Variants in ERLIN2 observed in about 807,000 individuals in gnomAD.
ERLIN2 encodes ER lipid raft associated 2.
ERLIN2 carries 22 observed loss-of-function variants against 41.5 expected under a neutral mutation model. The ratio of observed to expected loss-of-function variants is 0.53; its 90% CI spans 0.38 to 0.76. The LOEUF (loss-of-function observed/expected upper bound fraction) is 0.76. ERLIN2 is among the 30% of genes least tolerant of loss of function. ERLIN2 has a pLI of 0.00. For missense variants in ERLIN2, 247 were observed against 414.3 expected (o/e 0.60, Z 3.51); for synonymous variants, 149 against 150.9 (o/e 0.99, Z 0.09).
intron 3 of ERLIN2, 149 bp downstream of exon 3, chr8:37,740,595 T>A (rs1174459945): frequency 6.6e-5 from 12 of 181,214 alleles, no homozygotes; most frequent in African/African-American, 2.0e-4. Context: ...ATATATATAA[T>A]ATATATATAT....
chr8:37,753,643 T>C, intron 11 of ERLIN2, 114 bp downstream of exon 11: 5 of 934,430 alleles, frequency 5.4e-6, no homozygotes, highest in Non-Finnish European at 6.9e-6. Context: ...TGGGCAGAAC[T>C]GAGGATGCCT....
chr8:37,741,424 G>A lies in ERLIN2; in HGVS notation c.190-348G>A, dbSNP rs191314501. Among the ~76,000 whole-genome samples, 358 of 152,230 alleles carry A rather than the reference G, an allele frequency of 2.4e-3. 4 individuals carry two copies. The highest frequency in any genetic ancestry group is 8.0e-3 in the African/African-American group (332 of 41,534). ...TGTTATAGGGTTTGGTACTCTCCCC[G>A]GTTTCAAGCATCCACTGGGGGCCTT... On this transcript the variant is annotated intron_variant, in intron 3 of 11. Transcript: ENST00000519638. The surrounding 1 kb of genome is among the most constrained non-coding windows in gnomAD (Gnocchi z 4.8).
chr8:37,757,876 T>A lies in ERLIN2; in HGVS notation c.*3761T>A, dbSNP rs1384037622. ...TCATTTTAAACAGTTCACACACCACTGCAATTCTGCTCCAAAGGACAAAGA... is the reference window on the plus strand; with the variant it reads ...TCATTTTAAACAGTTCACACACCACAGCAATTCTGCTCCAAAGGACAAAGA... On this transcript the variant is annotated 3_prime_UTR_variant, in exon 12 of 12. Transcript: ENST00000519638. 1 of 152,214 alleles carries A rather than the reference T, an allele frequency of 6.6e-6. No homozygotes were observed. The highest frequency in any genetic ancestry group is 6.5e-5 in the Admixed American group (1 of 15,278). The allele number at this position is 152,214 out of a possible 1,614,324, so 9.4% of individuals were successfully genotyped here.
intron 2 of ERLIN2, 24 bp from the exon 3 acceptor site, chr8:37,740,339 GCC>G: frequency 6.3e-7 from 1 of 1,585,770 alleles, no homozygotes; most frequent in Non-Finnish European, 8.7e-7. Context: ...AACTGAAGCT[GCC>G]TCTCTCTTCC....
chr8:37,757,347 CTG>C lies in ERLIN2; in HGVS notation c.*3234_*3235del, dbSNP rs1332130046. 1 of 151,914 alleles carries C rather than the reference CTG, an allele frequency of 6.6e-6. No individual in the cohort carries two copies. Among genetic ancestry groups the C allele is most frequent in the Non-Finnish European group, 1.5e-5 (1 of 67,968 alleles). 9.4% of individuals were successfully genotyped at this position (151,914 alleles called of 1,614,324 possible). On this transcript the variant is annotated 3_prime_UTR_variant, in exon 12 of 12. Coordinates refer to ENST00000519638, the MANE Select transcript of ERLIN2 (RefSeq NM_007175.8). The stretch of plus-strand genomic sequence containing the variant: ...ACTGCTTTTTTGTTGTTTCTAGCCA[CTG>C]TTTTTTTTTTCTTGTTTCCTTATAA...
Position 37,751,735 on chromosome 8 carries a change from A to C in ERLIN2, c.739+20A>C. 6.3e-7 allele frequency: 1 copy of C among 1,586,106 alleles called. No homozygotes were observed. The highest frequency in any genetic ancestry group is 8.7e-7 in the Non-Finnish European group (1 of 1,154,888). ...TTGAAGGTAAGCAGAAGTGGCAGTC[A>C]TGCCTGAGTCCTCCTCAGACCCCGC... On this transcript the variant is annotated intron_variant, in intron 10 of 11. Coordinates refer to ENST00000519638, the MANE Select transcript of ERLIN2 (RefSeq NM_007175.8).
At chr8:37,748,441 C>A (rs1803128643) in intron 6 of ERLIN2, among the ~76,000 whole-genome samples, 1 of 152,190 alleles carries the variant, frequency 6.6e-6, no homozygotes, top group Non-Finnish European at 1.5e-5. Flanking sequence ...CTTGTGAGAG[C>A]ACATCCTATA....
chr8:37,740,978 G>A (rs566323047), intron 3 of ERLIN2, among the ~76,000 whole-genome samples: 7 of 152,280 alleles, frequency 4.6e-5, no homozygotes, highest in African/African-American at 1.7e-4. Context: ...ACTGACCCAG[G>A]AGAATGTCTT....
At chr8:37,749,988 G>A (rs780641077) in intron 8 of ERLIN2, 136 bp downstream of exon 8, 87 of 819,578 alleles carry the variant, frequency 1.1e-4, no homozygotes, top group Non-Finnish European at 1.6e-4. Context: ...CCATTGCACT[G>A]TAAGATTGGG....
At chr8:37,747,394 T>C (rs1366876242) in intron 6 of ERLIN2, 3 of 1,551,552 alleles carry the variant, frequency 1.9e-6, no homozygotes, top group Non-Finnish European at 2.7e-6. Flanking sequence ...GGCTTCCCAT[T>C]CAGCCAGCTC....
Position 37,741,764 on chromosome 8 carries a change from G to GT in ERLIN2, c.190-5dup, listed in dbSNP as rs1453141791. Reference sequence around the variant, plus strand: ...TCTTCTAGCACTTTATGTTTCCTCTGTTTCCAGACCACACTCCAGACAGAT... The same window carrying GT: ...TCTTCTAGCACTTTATGTTTCCTCTGTTTTCCAGACCACACTCCAGACAGAT... On this transcript the variant is annotated splice_region_variant and splice_polypyrimidine_tract_variant and intron_variant, in intron 3 of 11. Transcript: ENST00000519638. This position sits in a 1 kb window ranked among gnomAD's most constrained non-coding sequence, Gnocchi z 4.8. The GT allele has an allele frequency of 2.5e-6, 4 of 1,612,022 alleles. No homozygotes were observed. Among genetic ancestry groups the GT allele is most frequent in the Non-Finnish European group, 3.4e-6 (4 of 1,178,172 alleles).
chr8:37,740,318 C>G (rs761030298), intron 2 of ERLIN2, 47 bp from the exon 3 acceptor site: 4 of 1,340,724 alleles, frequency 3.0e-6, no homozygotes, highest in Non-Finnish European at 4.3e-6. Context: ...TCTAACAGAG[C>G]CTTCTTGCCA....
In ERLIN2 at chr8:37,744,572, G is replaced by T. The variant is rs756597769; in HGVS notation, c.300G>T (p.Val100=). ...EVVNFLVPNA[V]YDIVKNYTAD... ...CCAAGCCCTCTCCTTCCCTCTCAGTGTATGATATAGTGAAGAACTATACTG... is the reference window on the plus strand; with the variant it reads ...CCAAGCCCTCTCCTTCCCTCTCAGTTTATGATATAGTGAAGAACTATACTG... The change falls in exon 6 of 12, where the codon GTG becomes GTT. Residue 100 remains valine, a splice_region_variant and synonymous_variant. Transcript: ENST00000519638. 9.9e-6 allele frequency: 16 copies of T among 1,614,126 alleles called. No individual in the cohort carries two copies.
At position 37,752,152 on chromosome 8, in the gene ERLIN2, A is replaced by C. The variant is rs529791736; in HGVS notation, c.739+437A>C. Among the ~76,000 whole-genome samples, 12 of 152,300 alleles carry C rather than the reference A, an allele frequency of 7.9e-5. No homozygotes were observed. The South Asian group carries it at 2.3e-3, about 29-fold the overall frequency. On this transcript the variant is annotated intron_variant, in intron 10 of 11. Coordinates refer to ENST00000519638, the MANE Select transcript of ERLIN2 (RefSeq NM_007175.8). ...CAAAGTCTGTTCTCCAGGTCTATGCAGATATTAAGCCAGGTTTGAAGAAGA... is the reference window on the plus strand; with the variant it reads ...CAAAGTCTGTTCTCCAGGTCTATGCCGATATTAAGCCAGGTTTGAAGAAGA...
chr8:37,738,955 C>T (rs895791707), intron 2 of ERLIN2, among the ~76,000 whole-genome samples: 2 of 152,070 alleles, frequency 1.3e-5, no homozygotes, highest in African/African-American at 4.8e-5. Context: ...TCAATCAAAG[C>T]AAGCCTTAGG....
At chr8:37,742,079 C>G (rs1232706280) in intron 4 of ERLIN2, among the ~76,000 whole-genome samples, 1 of 151,994 alleles carries the variant, frequency 6.6e-6, no homozygotes, top group Non-Finnish European at 1.5e-5. Context: ...CGCGGTGGCT[C>G]ACACCTGTAA....
At chr8:37,746,219 T>G (rs1803044005) in intron 6 of ERLIN2, 11 of 985,902 alleles carry the variant, frequency 1.1e-5, no homozygotes, top group Non-Finnish European at 1.3e-5. Flanking sequence ...AAGGTTCTTC[T>G]ATACTTTCCT....
intron 8 of ERLIN2, 95 bp from the exon 9 acceptor site, chr8:37,750,300 G>T: frequency 2.1e-6 from 2 of 939,874 alleles, no homozygotes; most frequent in Non-Finnish European, 3.4e-6. Context: ...GGAAATGGGA[G>T]TTTGCCTCTC....
intron 6 of ERLIN2, chr8:37,746,642 G>C: frequency 1.8e-6 from 1 of 543,068 alleles, no homozygotes; most frequent in Non-Finnish European, 2.3e-6. Context: ...CCCGACTAGA[G>C]GGCAGCTCCC....
Sources: gnomAD v4.1 joint callset for allele counts (sites outside exome capture counted in the v4.1 genomes callset) on GRCh38, gnomAD v4.1.1 for gene constraint, Gnocchi (gnomAD v3.1) non-coding constraint, MANE v1.5 for transcripts, NCBI Gene and HGNC (gene_info 2026-07-23, HGNC 2026-07-21) for gene names.